Variants in KCNG3 observed in about 807,000 individuals in gnomAD.
KCNG3 encodes the protein voltage-gated potassium channel regulatory subunit KCNG3.
Under a neutral mutation model 29.0 loss-of-function variants are expected in KCNG3, and 15 were observed. That is an observed-to-expected ratio of 0.52 (90% CI 0.35 to 0.80). The LOEUF is 0.80. Ranked by LOEUF, KCNG3 falls within the 30% of genes least tolerant of loss-of-function variation. The probability of loss-of-function intolerance (pLI) is 0.01; values close to 1 mark genes in which losing one functional copy is unlikely to be tolerated. For synonymous variants in KCNG3, 322 were observed against 248.9 expected (o/e 1.29, Z -2.76); for missense variants, 512 against 605.7 (o/e 0.85, Z 1.62).
At chr2:42,461,966 T>G (rs894655784) in intron 1 of KCNG3, among the ~76,000 whole-genome samples, 2 of 152,372 alleles carry the variant, frequency 1.3e-5, no homozygotes, top group African/African-American at 4.8e-5. Flanking sequence ...AAATGATATT[T>G]TTAATTTTTT....
the KCNG3 span, among the ~76,000 whole-genome samples, chr2:42,413,267 G>A: frequency 6.6e-6 from 1 of 152,160 alleles, no homozygotes; most frequent in Non-Finnish European, 1.5e-5. Flanking sequence ...AGCATCCTGA[G>A]TAGCTGAGAT....
At chr2:42,400,491 G>A in the KCNG3 span, among the ~76,000 whole-genome samples, 1 of 152,154 alleles carries the variant, frequency 6.6e-6, no homozygotes, top group African/African-American at 2.4e-5. Flanking sequence ...TAAAGTTGGA[G>A]GAGTTGAGAG....
chr2:42,469,416 C>CAAAA (rs57425538), intron 1 of KCNG3, among the ~76,000 whole-genome samples: 18 of 74,406 alleles, frequency 2.4e-4, no homozygotes, highest in African/African-American at 3.2e-4. Flanking sequence ...GACTCTGTCT[C>CAAAA]AAAAAAAAAA....
chr2:42,469,924 T>C, intron 1 of KCNG3: 3 of 314,434 alleles, frequency 9.5e-6, no homozygotes, highest in South Asian at 1.0e-4. Flanking sequence ...TGAAGGAGAT[T>C]TACAAACTGG....
the KCNG3 span, among the ~76,000 whole-genome samples, chr2:42,422,462 C>CT: frequency 6.6e-6 from 1 of 151,978 alleles, no homozygotes; most frequent in Non-Finnish European, 1.5e-5. Context: ...TTACCCTGTC[C>CT]GTGGTATTCT....
the KCNG3 span, among the ~76,000 whole-genome samples, chr2:42,432,662 C>T: frequency 6.6e-6 from 1 of 152,102 alleles, no homozygotes; most frequent in African/African-American, 2.4e-5. Context: ...CTGTGTGTCT[C>T]TATATCTTTA....
At chr2:42,455,292 C>T (rs949470142) in intron 1 of KCNG3, among the ~76,000 whole-genome samples, 10 of 152,112 alleles carry the variant, frequency 6.6e-5, no homozygotes, top group African/African-American at 2.2e-4. Flanking sequence ...CCACACTACC[C>T]GTGGGGTCAA....
intron 1 of KCNG3, among the ~76,000 whole-genome samples, chr2:42,448,842 G>C (rs1000368283): frequency 1.3e-5 from 2 of 152,076 alleles, no homozygotes; most frequent in Admixed American, 1.3e-4. Flanking sequence ...GCCGGGCGCA[G>C]TGGCGGGTGC....
chr2:42,459,069 G>A (rs760380689), intron 1 of KCNG3, among the ~76,000 whole-genome samples: 12 of 151,988 alleles, frequency 7.9e-5, no homozygotes, highest in Non-Finnish European at 1.5e-4. Flanking sequence ...GGTGGCACAC[G>A]CCTGTAATCC....
the KCNG3 span, among the ~76,000 whole-genome samples, chr2:42,434,791 T>C: frequency 6.6e-6 from 1 of 151,790 alleles, no homozygotes; most frequent in Non-Finnish European, 1.5e-5. Context: ...TAGAATAGAA[T>C]TGAGAATCTA....
chr2:42,399,056 C>CTTTTTTTTTTTTTT, the KCNG3 span, among the ~76,000 whole-genome samples: 18 of 107,620 alleles, frequency 1.7e-4, no homozygotes, highest in Non-Finnish European at 2.7e-4. Flanking sequence ...TTTTTCTTTT[C>CTTTTTTTTTTTTTT]TTTTTTTTTT....
Position 42,493,274 on chromosome 2 carries a change from G to A in KCNG3, c.228C>T (p.Tyr76=), listed in dbSNP as rs1467919116. ...AGCGCAGCTTGCCGTGGCCGCGCAC[G>A]TAGAGCAGGATGAAGCCGAAGGCCT... is the stretch of plus-strand genomic sequence containing the variant. ...HSEAFGFILL[Y]VRGHGKLRFA... is the part of the protein sequence containing the mutation. Residue 76 remains tyrosine (Y), a synonymous_variant, in exon 1 of 2, where the codon TAC becomes TAT. Transcript: ENST00000306078. The A allele has an allele frequency of 5.0e-6, 8 of 1,612,092 alleles. No individual in the cohort carries two copies. The highest frequency in any genetic ancestry group is 1.7e-5 in the Admixed American group (1 of 59,964).
At chr2:42,413,538 G>C in the KCNG3 span, among the ~76,000 whole-genome samples, 2 of 150,816 alleles carry the variant, frequency 1.3e-5, no homozygotes, top group Non-Finnish European at 3.0e-5. Context: ...TCTATTTCTA[G>C]TCTTCTAGTC....
At chr2:42,409,352 G>A in the KCNG3 span, among the ~76,000 whole-genome samples, 12 of 151,990 alleles carry the variant, frequency 7.9e-5, no homozygotes, top group African/African-American at 2.9e-4. Context: ...CACCATGCCT[G>A]GTGATCTTTT....
At position 42,444,672 on chromosome 2, in the gene KCNG3, A is replaced by AGT; in HGVS notation, c.666-94_666-93insAC. On this transcript the variant is annotated intron_variant, in intron 1 of 1. Transcript: ENST00000306078. The surrounding 1 kb of genome is among the most constrained non-coding windows in gnomAD (Gnocchi z 5.8). Reference sequence around the variant, plus strand: ...TCAGATAGTACTACACTGACATACTAATTCAGTTACTTTTCCAGAAAACAT... The same window carrying AGT: ...TCAGATAGTACTACACTGACATACTAGTATTCAGTTACTTTTCCAGAAAACAT... 2.6e-6 allele frequency: 3 copies of AGT among 1,141,056 alleles called. No homozygotes were observed. Among genetic ancestry groups the AGT allele is most frequent in the Non-Finnish European group, 3.7e-6 (3 of 800,800 alleles). The allele number at this position is 1,141,056 out of a possible 1,614,324, so 70.7% of individuals were successfully genotyped here.
chr2:42,472,903 A>ATTT (rs1553330072), intron 1 of KCNG3, among the ~76,000 whole-genome samples: 22 of 131,536 alleles, frequency 1.7e-4, no homozygotes, highest in South Asian at 4.8e-4. Flanking sequence ...ATATATATAT[A>ATTT]TTTTTTTTTT....
the KCNG3 span, among the ~76,000 whole-genome samples, chr2:42,423,592 T>C: frequency 0.27 from 41,540 of 152,064 alleles, 6,343 homozygotes; most frequent in East Asian, 0.57. Flanking sequence ...CTCCCTGAAC[T>C]GAATTTAAGA....
At chr2:42,400,767 C>A in the KCNG3 span, among the ~76,000 whole-genome samples, 1 of 151,746 alleles carries the variant, frequency 6.6e-6, no homozygotes, top group East Asian at 1.9e-4. Context: ...AAAAGATTAT[C>A]CCACTGGAAA....
chr2:42,436,928 A>C, the KCNG3 span, among the ~76,000 whole-genome samples: 2 of 152,212 alleles, frequency 1.3e-5, no homozygotes, highest in African/African-American at 4.8e-5. Flanking sequence ...ATGAAAAATG[A>C]AATTTTTTTT....
Sources: allele counts gnomAD v4.1 joint callset (sites outside exome capture counted in the v4.1 genomes callset), GRCh38; gene constraint gnomAD v4.1.1; non-coding constraint Gnocchi (gnomAD v3.1); transcripts MANE v1.5; gene names NCBI Gene and HGNC (gene_info 2026-07-23, HGNC 2026-07-21).